RNF111: variants seen among roughly 807,000 people sequenced by gnomAD.
RNF111 encodes the protein E3 ubiquitin-protein ligase Arkadia.
Under a neutral mutation model 95.1 loss-of-function variants are expected in RNF111, and 17 were observed. The ratio of observed to expected loss-of-function variants is 0.18; its 90% CI spans 0.12 to 0.27. RNF111 has a LOEUF of 0.27. Among genes scored for constraint, RNF111 ranks in the 10% least tolerant of loss-of-function variants. The probability of loss-of-function intolerance (pLI) is 1.00; values close to 1 mark genes in which losing one functional copy is unlikely to be tolerated. For synonymous variants in RNF111, 440 were observed against 414.8 expected (o/e 1.06, Z -0.74); for missense variants, 1,189 against 1,210.4 (o/e 0.98, Z 0.26).
intron 1 of RNF111, among the ~76,000 whole-genome samples, chr15:59,006,188 A>G (rs1757956991): frequency 6.6e-6 from 1 of 152,220 alleles, no homozygotes; most frequent in East Asian, 1.9e-4. Flanking sequence ...ACTTATTTTA[A>G]AAACCAACCA....
intron 1 of RNF111, among the ~76,000 whole-genome samples, chr15:59,024,917 C>T (rs1207812216): frequency 6.6e-6 from 1 of 152,196 alleles, no homozygotes; most frequent in African/African-American, 2.4e-5. Flanking sequence ...TAAGTGGAAT[C>T]ATACAATATT....
chr15:59,010,077 A>G (rs2039724257), intron 1 of RNF111, among the ~76,000 whole-genome samples: 1 of 152,210 alleles, frequency 6.6e-6, no homozygotes, highest in Non-Finnish European at 1.5e-5. Context: ...TGAGAATGTG[A>G]CATTTTGTTT....
intron 1 of RNF111, among the ~76,000 whole-genome samples, chr15:58,994,264 C>T (rs1416971293): frequency 6.6e-6 from 1 of 151,420 alleles, no homozygotes; most frequent in African/African-American, 2.4e-5. Context: ...GTCTCGAACT[C>T]CTGACCTCAA....
chr15:59,015,512 C>T lies in RNF111; in HGVS notation c.-19-15292C>T, dbSNP rs191481426. ...CTTCCTCCGTAGTCTTTCTGACTTT[C>T]CCTCTAGCCTGTTCCCTTCAGCTCC... is the stretch of plus-strand genomic sequence containing the variant. On this transcript the variant is annotated intron_variant, in intron 1 of 13. Transcript: ENST00000348370. 1.3e-3 allele frequency among the ~76,000 whole-genome samples: 203 copies of T among 152,190 alleles called. 1 individual carries two copies. The highest frequency in any genetic ancestry group is 4.6e-3 in the African/African-American group (193 of 41,546).
chr15:59,046,845 A>T (rs1335998849), intron 2 of RNF111, among the ~76,000 whole-genome samples: 4 of 152,146 alleles, frequency 2.6e-5, no homozygotes, highest in African/African-American at 9.7e-5. Flanking sequence ...TGTATTCAGG[A>T]TATATAAGGA....
intron 10 of RNF111, among the ~76,000 whole-genome samples, chr15:59,086,440 G>T (rs2078903252): frequency 6.6e-6 from 1 of 152,204 alleles, no homozygotes; most frequent in South Asian, 2.1e-4. Flanking sequence ...TCTGCAGAAA[G>T]ATTATACTAA....
chr15:59,060,665 C>T (rs1289488707), intron 5 of RNF111, among the ~76,000 whole-genome samples: 1 of 152,070 alleles, frequency 6.6e-6, no homozygotes, highest in African/African-American at 2.4e-5. Flanking sequence ...TGGCATTTCT[C>T]TTACCATTTC....
At chr15:59,038,500 G>C (rs920460550) in intron 2 of RNF111, among the ~76,000 whole-genome samples, 21 of 151,950 alleles carry the variant, frequency 1.4e-4, no homozygotes, top group African/African-American at 4.8e-4. Context: ...TATAGTTTTT[G>C]GTTTTATGAT....
intron 3 of RNF111, among the ~76,000 whole-genome samples, chr15:59,052,668 C>G (rs1339824295): frequency 2.2e-5 from 3 of 137,180 alleles, no homozygotes; most frequent in African/African-American, 5.5e-5. Flanking sequence ...CTGTCTCATT[C>G]TCCATAGTAG....
chr15:58,998,452 C>T (rs961181693), intron 1 of RNF111, among the ~76,000 whole-genome samples: 1 of 152,008 alleles, frequency 6.6e-6, no homozygotes. Context: ...TCATTGTGTC[C>T]GTATGTTCTT....
At chr15:59,037,064 T>C (rs1335497868) in intron 2 of RNF111, among the ~76,000 whole-genome samples, 1 of 151,792 alleles carries the variant, frequency 6.6e-6, no homozygotes, top group African/African-American at 2.4e-5. Flanking sequence ...CTCGAACTCC[T>C]GGGCTTAAGT....
At chr15:59,004,747 C>G (rs1446726232) in intron 1 of RNF111, among the ~76,000 whole-genome samples, 2 of 152,138 alleles carry the variant, frequency 1.3e-5, no homozygotes, top group Non-Finnish European at 2.9e-5. Context: ...TATGCAGTCT[C>G]TGGAAGTCTA....
chr15:59,030,804 G>C lies in RNF111; in HGVS notation c.-19G>C. On this transcript the variant is annotated splice_region_variant and 5_prime_UTR_variant, in exon 2 of 14. Transcript: ENST00000348370. ...TTAAATATCTAATTTTGTCTTCTAG[G>C]CTTTCCTTAAAGTTTCCCATGTCTC... 1 of 1,546,610 alleles carries C rather than the reference G, an allele frequency of 6.5e-7. No individual in the cohort carries two copies. The highest frequency in any genetic ancestry group is 8.7e-7 in the Non-Finnish European group (1 of 1,146,408).
chr15:58,994,407 T>C (rs1326008445), intron 1 of RNF111, among the ~76,000 whole-genome samples: 3 of 152,046 alleles, frequency 2.0e-5, no homozygotes, highest in Admixed American at 6.6e-5. Context: ...TGAGAACTCT[T>C]GAATACTCAT....
chr15:59,058,844 A>C (rs1035140666), intron 5 of RNF111, among the ~76,000 whole-genome samples: 3 of 152,248 alleles, frequency 2.0e-5, no homozygotes, highest in African/African-American at 7.2e-5. Flanking sequence ...GTTGGACTTC[A>C]TCAAAATTTA....
At chr15:59,074,673 G>A (rs957022768) in intron 6 of RNF111, among the ~76,000 whole-genome samples, 7 of 152,102 alleles carry the variant, frequency 4.6e-5, no homozygotes, top group African/African-American at 1.7e-4. Context: ...ACTTTCTTTA[G>A]ATCAGCAATA....
At chr15:59,048,430 G>T (rs1315705460) in intron 2 of RNF111, among the ~76,000 whole-genome samples, 1 of 152,216 alleles carries the variant, frequency 6.6e-6, no homozygotes, top group Non-Finnish European at 1.5e-5. Context: ...ATCAGTTGTT[G>T]CAGGGGTATT....
chr15:59,015,912 C>T (rs1227900392), intron 1 of RNF111, among the ~76,000 whole-genome samples: 5 of 152,104 alleles, frequency 3.3e-5, no homozygotes, highest in African/African-American at 9.6e-5. Flanking sequence ...AGTGCAGTGG[C>T]GTGATCTTGG....
At chr15:59,087,578 A>G (rs749018589) in intron 10 of RNF111, among the ~76,000 whole-genome samples, 1 of 152,240 alleles carries the variant, frequency 6.6e-6, no homozygotes, top group Non-Finnish European at 1.5e-5. Flanking sequence ...AGTTTACAAT[A>G]AAGTAGAAAA....
Sources: allele counts gnomAD v4.1 joint callset (sites outside exome capture counted in the v4.1 genomes callset), GRCh38; gene constraint gnomAD v4.1.1; transcripts MANE v1.5; gene names NCBI Gene and HGNC (gene_info 2026-07-23, HGNC 2026-07-21).